Variants in LMBRD1 observed in about 807,000 individuals in gnomAD.
LMBRD1 encodes the protein lysosomal cobalamin transport escort protein LMBD1.
LMBRD1 carries 64 observed loss-of-function variants against 74.8 expected under a neutral mutation model. The ratio of observed to expected loss-of-function variants is 0.86; its 90% CI spans 0.70 to 1.05. The LOEUF is 1.05. Ranked by LOEUF, LMBRD1 falls within the 50% of genes least tolerant of loss-of-function variation. LMBRD1 has a pLI of 0.00. For synonymous variants in LMBRD1, 204 were observed against 216.3 expected (o/e 0.94, Z 0.50); for missense variants, 652 against 645.9 (o/e 1.01, Z -0.10).
rs1406439308 is a variant in LMBRD1 at position 69,699,033 on chromosome 6, T to C, written c.1338+10A>G. 6.5e-7 allele frequency: 1 copy of C among 1,544,894 alleles called. No homozygotes were observed. Reference sequence around the variant, plus strand: ...TATCAAAATAATCAAGTTTCAAATATTTCACTTACCTCTATTAAGTAATTT... The same window carrying C: ...TATCAAAATAATCAAGTTTCAAATACTTCACTTACCTCTATTAAGTAATTT... On this transcript the variant is annotated intron_variant, in intron 13 of 15. Coordinates refer to ENST00000649934, the MANE Select transcript of LMBRD1 (RefSeq NM_018368.4).
chr6:69,715,765 C>A (rs1486029646), intron 8 of LMBRD1, among the ~76,000 whole-genome samples: 1 of 152,070 alleles, frequency 6.6e-6, no homozygotes, highest in Non-Finnish European at 1.5e-5. Flanking sequence ...CTGATCTTCT[C>A]CCTCCTTCCA....
At chr6:69,756,116 T>G (rs1765261502) in intron 3 of LMBRD1, among the ~76,000 whole-genome samples, 1 of 152,130 alleles carries the variant, frequency 6.6e-6, no homozygotes, top group Non-Finnish European at 1.5e-5. Context: ...ATCTCCGCAC[T>G]TTGGGAAGCC....
intron 3 of LMBRD1, among the ~76,000 whole-genome samples, chr6:69,753,096 G>T (rs1765198103): frequency 6.6e-6 from 1 of 151,930 alleles, no homozygotes; most frequent in African/African-American, 2.4e-5. Flanking sequence ...CTATTTATCT[G>T]CTTTTTTTAA....
chr6:69,788,126 A>AT (rs138884458), intron 2 of LMBRD1, among the ~76,000 whole-genome samples: 54,735 of 151,978 alleles, frequency 0.36, 10,459 homozygotes, highest in East Asian at 0.54. Context: ...TACTTTAGAA[A>AT]TTTTTTTATT....
At chr6:69,769,738 T>C (rs919191089) in intron 3 of LMBRD1, among the ~76,000 whole-genome samples, 2 of 110,086 alleles carry the variant, frequency 1.8e-5, no homozygotes, top group African/African-American at 8.2e-5. Context: ...ACGATTTTTT[T>C]AGTGTTTTTT....
chr6:69,702,715 G>A (rs1049625697), intron 9 of LMBRD1, among the ~76,000 whole-genome samples: 4 of 151,966 alleles, frequency 2.6e-5, no homozygotes, highest in African/African-American at 9.7e-5. Flanking sequence ...CAAGTTGCGG[G>A]GACAACTGGG....
intron 7 of LMBRD1, among the ~76,000 whole-genome samples, chr6:69,736,212 C>A (rs1766974106): frequency 6.6e-6 from 1 of 152,142 alleles, no homozygotes; most frequent in African/African-American, 2.4e-5. Flanking sequence ...GCCGACCCAC[C>A]ACTTTTTTTT....
intron 3 of LMBRD1, among the ~76,000 whole-genome samples, chr6:69,754,837 A>G (rs554009165): frequency 6.6e-6 from 1 of 152,346 alleles, no homozygotes; most frequent in Non-Finnish European, 1.5e-5. Context: ...TATGAAAAAA[A>G]GCTCATCATC....
chr6:69,683,742 C>G (rs1048503778), intron 14 of LMBRD1, among the ~76,000 whole-genome samples: 1 of 152,026 alleles, frequency 6.6e-6, no homozygotes, highest in African/African-American at 2.4e-5. Flanking sequence ...CTCAGGACCT[C>G]ATTACTGTTC....
intron 7 of LMBRD1, among the ~76,000 whole-genome samples, chr6:69,736,668 T>C (rs1766985079): frequency 6.6e-6 from 1 of 152,224 alleles, no homozygotes; most frequent in Non-Finnish European, 1.5e-5. Flanking sequence ...CAAAGCACTT[T>C]TACAAATAGT....
chr6:69,720,759 C>T (rs1344248302), intron 7 of LMBRD1, among the ~76,000 whole-genome samples: 1 of 152,150 alleles, frequency 6.6e-6, no homozygotes, highest in Non-Finnish European at 1.5e-5. Context: ...AGTACTGTCA[C>T]AAGAACCAAA....
intron 14 of LMBRD1, among the ~76,000 whole-genome samples, chr6:69,691,875 CAAAAA>C (rs34100007): frequency 1.5e-5 from 1 of 65,114 alleles, no homozygotes. Flanking sequence ...GACTCCGTCT[CAAAAA>C]AAAAAAAAAA....
chr6:69,674,746 G>C lies in LMBRD1; in HGVS notation c.*1412C>G, dbSNP rs757568650. Among the ~76,000 whole-genome samples, 10 of 152,222 alleles carry C rather than the reference G, an allele frequency of 6.6e-5. No homozygotes were observed. The highest frequency in any genetic ancestry group is 5.9e-4 in the Admixed American group (9 of 15,294). On this transcript the variant is annotated 3_prime_UTR_variant, in exon 16 of 16. Coordinates refer to ENST00000649934, the MANE Select transcript of LMBRD1 (RefSeq NM_018368.4). ...TCCCAGCACTTTGGGAGGCCACTGT[G>C]GGTGGATCATGAGGTCAGGAGTTCA...
At position 69,699,076 on chromosome 6, in the gene LMBRD1, A is replaced by G; in HGVS notation, c.1305T>C (p.Tyr435=). 2 of 1,606,614 alleles carry G rather than the reference A, an allele frequency of 1.2e-6. No individual in the cohort carries two copies. Among genetic ancestry groups the G allele is most frequent in the Non-Finnish European group, 1.7e-6 (2 of 1,173,748 alleles). The change falls in exon 13 of 16, where the codon TAT becomes TAC. Residue 435 remains tyrosine, a synonymous_variant. Transcript: ENST00000649934. ...AGTAATTTTGGCTTCCATACATAAC[A>G]TATTGGGGAGCAAGACTATAAATCA... ...SYMIYSLAPQ[Y]VMYGSQNYLI...
At chr6:69,763,905 T>C (rs867207881) in intron 3 of LMBRD1, among the ~76,000 whole-genome samples, 1 of 152,212 alleles carries the variant, frequency 6.6e-6, no homozygotes, top group Non-Finnish European at 1.5e-5. Flanking sequence ...TGCCATTATA[T>C]TTTAAAAGCA....
At position 69,733,147 on chromosome 6, in the gene LMBRD1, C is replaced by CA. The variant is rs201048969; in HGVS notation, c.636+4794dup. Among the ~76,000 whole-genome samples the CA allele has an allele frequency of 5.5e-3, 813 of 148,686 alleles. 9 individuals are homozygous for CA. The highest frequency in any genetic ancestry group is 0.018 in the Middle Eastern group (5 of 282). On this transcript the variant is annotated intron_variant, in intron 7 of 15. Transcript: ENST00000649934. The stretch of plus-strand genomic sequence containing the variant: ...TAAAAAAATTTCTCTAGCCTCAATA[C>CA]AAAAAAAAAATTCAGTTACAAATTC...
intron 14 of LMBRD1, among the ~76,000 whole-genome samples, chr6:69,679,211 G>A (rs749836389): frequency 1.3e-5 from 2 of 152,074 alleles, no homozygotes; most frequent in African/African-American, 4.8e-5. Context: ...AGTCTAGAAT[G>A]AATATTCACA....
At chr6:69,777,443 G>GC (rs1765729020) in intron 3 of LMBRD1, among the ~76,000 whole-genome samples, 2 of 82,670 alleles carry the variant, frequency 2.4e-5, no homozygotes, top group African/African-American at 3.9e-5. Context: ...AGACTCTGTT[G>GC]CAAAAAAAAA....
At chr6:69,681,666 G>A (rs1476884299) in intron 14 of LMBRD1, among the ~76,000 whole-genome samples, 1 of 151,774 alleles carries the variant, frequency 6.6e-6, no homozygotes, top group African/African-American at 2.4e-5. Context: ...GTAACATGGA[G>A]AATAATTTTA....
Sources: gnomAD v4.1 joint callset for allele counts (sites outside exome capture counted in the v4.1 genomes callset) on GRCh38, gnomAD v4.1.1 for gene constraint, MANE v1.5 for transcripts, NCBI Gene and HGNC (gene_info 2026-07-23, HGNC 2026-07-21) for gene names.